PCSK2: variants seen among roughly 807,000 people sequenced by gnomAD.
The protein encoded by PCSK2 is neuroendocrine convertase 2.
In PCSK2, 14 loss-of-function variants were observed where a neutral mutation model predicts 69.7. The ratio of observed to expected loss-of-function variants is 0.20; its 90% CI spans 0.13 to 0.31. PCSK2 has a LOEUF of 0.31. Among genes scored for constraint, PCSK2 ranks in the 10% least tolerant of loss-of-function variants. The probability of loss-of-function intolerance (pLI) is 1.00; values close to 1 mark genes in which losing one functional copy is unlikely to be tolerated. For synonymous variants in PCSK2, 307 were observed against 320.7 expected (o/e 0.96, Z 0.46); for missense variants, 544 against 842.5 (o/e 0.65, Z 4.39).
chr20:17,416,264 G>T (rs1307502747), intron 6 of PCSK2, among the ~76,000 whole-genome samples: 13 of 152,146 alleles, frequency 8.5e-5, no homozygotes. Context: ...GAAAATTTTT[G>T]CAATCTACCC....
At chr20:17,310,287 A>C (rs1989464799) in intron 2 of PCSK2, among the ~76,000 whole-genome samples, 1 of 152,182 alleles carries the variant, frequency 6.6e-6, no homozygotes, top group Admixed American at 6.5e-5. Flanking sequence ...ACACCTCTAA[A>C]GATGAAATTT....
At chr20:17,433,092 T>C (rs936349353) in intron 7 of PCSK2, among the ~76,000 whole-genome samples, 11 of 152,142 alleles carry the variant, frequency 7.2e-5, no homozygotes, top group African/African-American at 2.7e-4. Context: ...CACCTTCCTT[T>C]TTAAACCAAA....
intron 2 of PCSK2, 142 bp from the exon 3 acceptor site, chr20:17,358,185 G>A (rs995052704): frequency 1.7e-5 from 10 of 597,112 alleles, no homozygotes; most frequent in Non-Finnish European, 9.0e-6. Flanking sequence ...GGTAAGGTGA[G>A]CATGTATATG....
chr20:17,291,060 C>G (rs1361511), intron 2 of PCSK2, among the ~76,000 whole-genome samples: 22,474 of 151,846 alleles, frequency 0.15, 2,291 homozygotes, highest in East Asian at 0.54. Flanking sequence ...AAATTTCAAC[C>G]TGAGTTTAGG....
At position 17,443,418 on chromosome 20, in the gene PCSK2, A is replaced by G. The variant is rs149078234; in HGVS notation, c.885+6535A>G. On this transcript the variant is annotated intron_variant, in intron 8 of 11. Coordinates refer to ENST00000262545, the MANE Select transcript of PCSK2 (RefSeq NM_002594.5). ...GCATTTAGGATGAAATTTTTGATGC[A>G]CAGACAGCCTGTTTCCTTATTGCAT... is the stretch of plus-strand genomic sequence containing the variant. Among the ~76,000 whole-genome samples, 927 of 152,286 alleles carry G rather than the reference A, an allele frequency of 6.1e-3. 5 individuals carry two copies. The highest frequency in any genetic ancestry group is 0.01 in the Non-Finnish European group (714 of 68,026).
At chr20:17,480,608 A>G (rs565467709) in intron 11 of PCSK2, among the ~76,000 whole-genome samples, 4 of 152,374 alleles carry the variant, frequency 2.6e-5, no homozygotes, top group Admixed American at 2.6e-4. Context: ...TTGTCCCAGA[A>G]GTCCAACCTG....
At chr20:17,248,539 A>C (rs1035739257) in intron 1 of PCSK2, among the ~76,000 whole-genome samples, 6 of 152,098 alleles carry the variant, frequency 3.9e-5, no homozygotes, top group Non-Finnish European at 7.4e-5. Flanking sequence ...TTGGGTCTGC[A>C]CTCCAAAAGC....
chr20:17,239,382 C>A (rs1489249659), intron 1 of PCSK2, among the ~76,000 whole-genome samples: 2 of 152,048 alleles, frequency 1.3e-5, no homozygotes, highest in Non-Finnish European at 2.9e-5. Flanking sequence ...CCTTGAAGAA[C>A]CTAAAATGTG....
rs371803984 is a variant in PCSK2 at position 17,436,895 on chromosome 20, G to T, written c.885+12G>T. On this transcript the variant is annotated intron_variant, in intron 8 of 11. Coordinates refer to ENST00000262545, the MANE Select transcript of PCSK2 (RefSeq NM_002594.5). ...ATGGCGTGAACAAGGTAAGGGGGCCGGCCCCCTAGGCCCCGGCCACTCACA... is the reference window on the plus strand; with the variant it reads ...ATGGCGTGAACAAGGTAAGGGGGCCTGCCCCCTAGGCCCCGGCCACTCACA... The T allele has an allele frequency of 8.6e-4, 1,354 of 1,581,482 alleles. 4 individuals carry two copies. The highest frequency in any genetic ancestry group is 4.3e-3 in the South Asian group (376 of 86,784).
At chr20:17,262,337 AAAG>A (rs1470280686) in intron 2 of PCSK2, among the ~76,000 whole-genome samples, 1 of 152,188 alleles carries the variant, frequency 6.6e-6, no homozygotes, top group Non-Finnish European at 1.5e-5. Flanking sequence ...CAGAAAAACT[AAAG>A]AAGACCAAGT....
intron 2 of PCSK2, among the ~76,000 whole-genome samples, chr20:17,322,864 G>T (rs1989916404): frequency 6.6e-6 from 1 of 151,950 alleles, no homozygotes; most frequent in African/African-American, 2.4e-5. Flanking sequence ...TTTTTGTTTT[G>T]TTTTGTTTTG....
chr20:17,412,686 C>T (rs1459747440), intron 6 of PCSK2, among the ~76,000 whole-genome samples: 7 of 152,126 alleles, frequency 4.6e-5, no homozygotes, highest in Admixed American at 2.6e-4. Context: ...GAGAACACCA[C>T]AAAGATACTC....
rs376039620 is a variant in PCSK2 at position 17,381,376 on chromosome 20, A to G, written c.543+12099A>G. 3.2e-3 allele frequency among the ~76,000 whole-genome samples: 481 copies of G among 152,348 alleles called. 6 individuals carry two copies. The highest frequency in any genetic ancestry group is 0.031 in the Middle Eastern group (9 of 294). ...GCTAGGCAGAAGAATAAGATGTATT[A>G]CAGTGTGTAGGAGATGTTTTCATTA... On this transcript the variant is annotated intron_variant, in intron 5 of 11. Transcript: ENST00000262545.
rs138520832 is a variant in PCSK2, at chr20:17,278,250, G to T, written c.282+17906G>T. 8.7e-3 allele frequency among the ~76,000 whole-genome samples: 1,328 copies of T among 152,230 alleles called. 6 individuals are homozygous for T. The highest frequency in any genetic ancestry group is 0.017 in the Middle Eastern group (5 of 294). On this transcript the variant is annotated intron_variant, in intron 2 of 11. Coordinates refer to ENST00000262545, the MANE Select transcript of PCSK2 (RefSeq NM_002594.5). ...TAACCAAAGGACTATAAATCATACTGCTGTAAAGACACATGCACACGTATG... is the reference window on the plus strand; with the variant it reads ...TAACCAAAGGACTATAAATCATACTTCTGTAAAGACACATGCACACGTATG...
chr20:17,270,410 A>G (rs976928495), intron 2 of PCSK2, among the ~76,000 whole-genome samples: 6 of 152,076 alleles, frequency 3.9e-5, no homozygotes. Context: ...GGTTCAGGAG[A>G]GGATAACAGT....
At chr20:17,425,274 T>A (rs1016501454) in intron 6 of PCSK2, among the ~76,000 whole-genome samples, 3 of 152,092 alleles carry the variant, frequency 2.0e-5, no homozygotes, top group African/African-American at 4.8e-5. Context: ...GACAGGCCCA[T>A]TCACCATTAA....
intron 2 of PCSK2, among the ~76,000 whole-genome samples, chr20:17,293,280 ATAATGGTTATTTAACTTGTGTTT>A (rs1489554913): frequency 2.0e-5 from 3 of 152,216 alleles, no homozygotes; most frequent in Non-Finnish European, 2.9e-5. Context: ...TAAAGAATAA[ATAATGGTTATTTAACTTGTGTTT>A]TATAATATAT....
intron 2 of PCSK2, among the ~76,000 whole-genome samples, chr20:17,345,750 AC>A (rs1990633845): frequency 6.6e-6 from 1 of 152,046 alleles, no homozygotes; most frequent in Non-Finnish European, 1.5e-5. Flanking sequence ...ACTGAACCAC[AC>A]GGTTTGGGGC....
intron 2 of PCSK2, among the ~76,000 whole-genome samples, chr20:17,299,070 T>C (rs1988990699): frequency 6.6e-6 from 1 of 152,212 alleles, no homozygotes; most frequent in South Asian, 2.1e-4. Context: ...TACAGAAAGT[T>C]TAAAAGTTTA....
Sources: allele counts gnomAD v4.1 joint callset (sites outside exome capture counted in the v4.1 genomes callset), GRCh38; gene constraint gnomAD v4.1.1; transcripts MANE v1.5; gene names NCBI Gene and HGNC (gene_info 2026-07-23, HGNC 2026-07-21).